MTREX: variants seen among roughly 807,000 people sequenced by gnomAD.
The protein encoded by MTREX is exosome RNA helicase MTR4.
Under a neutral mutation model 135.4 loss-of-function variants are expected in MTREX, and 76 were observed. The ratio of observed to expected loss-of-function variants is 0.56; its 90% confidence interval spans 0.47 to 0.68. The LOEUF (loss-of-function observed/expected upper bound fraction) is 0.68, where lower values mean the gene tolerates loss of function less well. Among genes scored for constraint, MTREX ranks in the 30% least tolerant of loss-of-function variants. The probability of loss-of-function intolerance (pLI) is 0.00; values close to 1 mark genes in which losing one functional copy is unlikely to be tolerated. For synonymous variants in MTREX, 404 were observed against 401.6 expected (o/e 1.01, Z -0.07); for missense variants, 920 against 1,262.1 (o/e 0.73, Z 4.11).
chr5:55,317,386 A>C (rs1033306335), intron 1 of MTREX, among the ~76,000 whole-genome samples: 5 of 152,228 alleles, frequency 3.3e-5, no homozygotes, highest in African/African-American at 1.2e-4. Flanking sequence ...AAACTATACT[A>C]CAAGGCTACA....
intron 17 of MTREX, 36 bp downstream of exon 17, chr5:55,378,522 T>G: frequency 1.3e-6 from 2 of 1,559,422 alleles, no homozygotes; most frequent in Non-Finnish European, 1.7e-6. Flanking sequence ...ACTTGAATAA[T>G]TCAATATTTA....
At chr5:55,371,190 T>C (rs1028607171) in intron 16 of MTREX, among the ~76,000 whole-genome samples, 9 of 152,200 alleles carry the variant, frequency 5.9e-5, no homozygotes. Flanking sequence ...GTTGGGATAA[T>C]ATCCAGTACA....
intron 1 of MTREX, among the ~76,000 whole-genome samples, chr5:55,317,217 A>G (rs1749212793): frequency 6.6e-6 from 1 of 152,228 alleles, no homozygotes; most frequent in Non-Finnish European, 1.5e-5. Flanking sequence ...ATAGTGCCCA[A>G]AGCAATGTAC....
At chr5:55,352,024 T>G (rs183077235) in intron 13 of MTREX, among the ~76,000 whole-genome samples, 2 of 151,088 alleles carry the variant, frequency 1.3e-5, no homozygotes, top group African/African-American at 4.9e-5. Context: ...GTTTTTGTTT[T>G]TGTTTTGTTT....
chr5:55,363,247 C>T (rs1750046095), intron 15 of MTREX, among the ~76,000 whole-genome samples: 1 of 152,104 alleles, frequency 6.6e-6, no homozygotes, highest in African/African-American at 2.4e-5. Flanking sequence ...TTATTTATTT[C>T]CTCATCTTCC....
At chr5:55,316,103 A>G (rs185479702) in intron 1 of MTREX, among the ~76,000 whole-genome samples, 42 of 152,264 alleles carry the variant, frequency 2.8e-4, no homozygotes, top group African/African-American at 9.9e-4. Flanking sequence ...TTGATTCCCT[A>G]AACAGACCAG....
intron 1 of MTREX, among the ~76,000 whole-genome samples, chr5:55,318,538 A>G (rs189786780): frequency 6.6e-6 from 1 of 152,336 alleles, no homozygotes; most frequent in East Asian, 1.9e-4. Flanking sequence ...CAAATACCGC[A>G]TGTTCTCGCT....
At chr5:55,350,462 G>A (rs1274056346) in intron 12 of MTREX, among the ~76,000 whole-genome samples, 2 of 152,186 alleles carry the variant, frequency 1.3e-5, no homozygotes, top group East Asian at 3.8e-4. Flanking sequence ...CTAGTAGTAA[G>A]TATTTAATGG....
intron 25 of MTREX, among the ~76,000 whole-genome samples, chr5:55,420,641 A>G (rs1253644375): frequency 6.6e-6 from 1 of 152,238 alleles, no homozygotes; most frequent in Non-Finnish European, 1.5e-5. Context: ...TTTCACTTAT[A>G]TGAAATGTCC....
At chr5:55,369,323 CCT>C (rs1750157358) in intron 16 of MTREX, among the ~76,000 whole-genome samples, 1 of 152,142 alleles carries the variant, frequency 6.6e-6, no homozygotes, top group Non-Finnish European at 1.5e-5. Context: ...AAGTATTCCT[CCT>C]AAGCAGTTAG....
intron 22 of MTREX, among the ~76,000 whole-genome samples, chr5:55,406,617 T>C (rs969084484): frequency 6.6e-6 from 1 of 152,178 alleles, no homozygotes; most frequent in African/African-American, 2.4e-5. Context: ...AGATTCCAAC[T>C]CTTGATGGGG....
intron 20 of MTREX, 117 bp from the exon 21 acceptor site, chr5:55,400,116 A>G (rs532791594): frequency 3.0e-6 from 2 of 671,778 alleles, no homozygotes; most frequent in South Asian, 4.2e-5. Context: ...AGACAAAATT[A>G]TATATGTAGT....
chr5:55,346,206 T>C (rs1351255511), intron 10 of MTREX, among the ~76,000 whole-genome samples: 5 of 152,224 alleles, frequency 3.3e-5, no homozygotes, highest in Non-Finnish European at 5.9e-5. Context: ...TGCTGCACCA[T>C]GTGGAAAGTC....
At chr5:55,326,736 T>C (rs745530924) in intron 3 of MTREX, among the ~76,000 whole-genome samples, 2 of 152,230 alleles carry the variant, frequency 1.3e-5, no homozygotes, top group Non-Finnish European at 2.9e-5. Context: ...CTGGGGTACA[T>C]GTGCAGAACA....
At chr5:55,369,915 C>CTTTTTT (rs60011222) in intron 16 of MTREX, among the ~76,000 whole-genome samples, 3 of 141,426 alleles carry the variant, frequency 2.1e-5, no homozygotes, top group Non-Finnish European at 1.5e-5. Context: ...TTTCTTTTTT[C>CTTTTTT]TTTTTTTTTT....
chr5:55,345,096 T>C lies in MTREX; in HGVS notation c.1008T>C (p.Gly336=). The C allele has an allele frequency of 6.2e-7, 1 of 1,606,974 alleles. No homozygotes were observed. Among genetic ancestry groups the C allele is most frequent in the Non-Finnish European group, 8.5e-7 (1 of 1,176,036 alleles). ...ACAGAAAAAATTTGTGATTCCAGGG[T>C]GACTTCAGAGAAGATAATTTTAATA... The part of the protein sequence containing the change: ...DGLHLVVDEN[G]DFREDNFNTA... Residue 336 remains glycine, a splice_region_variant and synonymous_variant, in exon 10 of 27, where the codon GGT becomes GGC. Transcript: ENST00000230640.
chr5:55,417,919 T>C (rs1304799211), intron 25 of MTREX, among the ~76,000 whole-genome samples: 1 of 151,876 alleles, frequency 6.6e-6, no homozygotes, highest in Admixed American at 6.5e-5. Flanking sequence ...ATTTTTATTT[T>C]TATTTTTTAT....
chr5:55,392,442 C>CTGAG (rs1261359712), intron 19 of MTREX, among the ~76,000 whole-genome samples: 1 of 150,632 alleles, frequency 6.6e-6, no homozygotes, highest in African/African-American at 2.4e-5. Flanking sequence ...ATTCGAGAGG[C>CTGAG]TGAGGCAGGA....
rs759496216 is a variant in MTREX at position 55,400,461 on chromosome 5, G to A, written c.2481+40G>A. The A allele has an allele frequency of 2.3e-6, 3 of 1,325,128 alleles. No individual in the cohort carries two copies. In the East Asian group the frequency reaches 7.0e-5, roughly 31 times the overall value. 82.1% of individuals were successfully genotyped at this position (1,325,128 alleles called of 1,614,324 possible). ...TGGTTTTTATAGTAGAATTCTATAT[G>A]TTTCACTGAATAAATATGTGTTTGT... On this transcript the variant is annotated intron_variant, in intron 21 of 26. Transcript: ENST00000230640.
Sources: gnomAD v4.1 joint callset for allele counts (sites outside exome capture counted in the v4.1 genomes callset) on GRCh38, gnomAD v4.1.1 for gene constraint, MANE v1.5 for transcripts, NCBI Gene and HGNC (gene_info 2026-07-23, HGNC 2026-07-21) for gene names.